DHRS4L2: variants seen among roughly 807,000 people sequenced by gnomAD.
DHRS4L2 encodes dehydrogenase/reductase SDR family member 4-like 2.
Under a neutral mutation model 23.9 loss-of-function variants are expected in DHRS4L2, and 22 were observed. That is an observed-to-expected ratio of 0.92 (90% CI 0.66 to 1.31). The LOEUF is 1.31. Ranked by LOEUF, DHRS4L2 falls within the 40% of genes most tolerant of loss-of-function variation. The pLI, the probability that DHRS4L2 is intolerant of heterozygous loss-of-function variation, is 0.00. For missense variants in DHRS4L2, 385 were observed against 303.3 expected (o/e 1.27, Z -2.00); for synonymous variants, 141 against 123.7 (o/e 1.14, Z -0.93).
At position 23,989,434 on chromosome 14, in the gene DHRS4L2, GC is replaced by G. The variant is rs1594464322; in HGVS notation, c.128+360del. 4.0e-5 allele frequency among the ~76,000 whole-genome samples: 6 copies of G among 151,634 alleles called. 1 individual carries two copies. The Middle Eastern group carries it at 0.02, about 516-fold the overall frequency. On this transcript the variant is annotated intron_variant, in intron 1 of 7. Coordinates refer to ENST00000335125, the MANE Select transcript of DHRS4L2 (RefSeq NM_198083.4). Reference sequence around the variant, plus strand: ...TCAAAATCTTATAACAAGGCCTCCAGCTTTTTGAAAATGTACCATTCTATTT... The same window carrying G: ...TCAAAATCTTATAACAAGGCCTCCAGTTTTTGAAAATGTACCATTCTATTT...
At position 24,000,736 on chromosome 14, in the gene DHRS4L2, G is replaced by A. The variant is rs2034469291; in HGVS notation, c.409-127G>A. 1.1e-5 allele frequency: 9 copies of A among 801,994 alleles called. No homozygotes were observed. The South Asian group carries it at 1.6e-4, about 15-fold the overall frequency. The allele number at this position is 801,994 out of a possible 1,614,324, so 49.7% of individuals were successfully genotyped here. On this transcript the variant is annotated intron_variant, in intron 3 of 7. Transcript: ENST00000335125. ...CAGTTCCTTCATGTGTAAGATGCAG[G>A]TATATCATCCTAAGATCTTCGTCAG...
At chr14:23,975,037 C>G (rs2033940513) in intron 1 of DHRS4L2, among the ~76,000 whole-genome samples, 1 of 151,642 alleles carries the variant, frequency 6.6e-6, no homozygotes, top group Non-Finnish European at 1.5e-5. Context: ...CATAAGGATG[C>G]ATTCTCTCAC....
At chr14:24,005,478 C>A (rs530797127) in intron 7 of DHRS4L2, among the ~76,000 whole-genome samples, 29 of 152,136 alleles carry the variant, frequency 1.9e-4, no homozygotes, top group Middle Eastern at 3.4e-3. Context: ...TAAGCTGAAC[C>A]TGTACAAATG....
rs545445572 is a variant in DHRS4L2 at position 23,977,199 on chromosome 14, A to T, written c.-176+6867A>T. Among the ~76,000 whole-genome samples, 20 of 151,898 alleles carry T rather than the reference A, an allele frequency of 1.3e-4. 1 individual carries two copies. Among genetic ancestry groups the T allele is most frequent in the Admixed American group, 1.2e-3 (19 of 15,258 alleles). On this transcript the variant is annotated intron_variant, in intron 1 of 5. Coordinates refer to the DHRS4L2 transcript ENST00000534993. ...TATCAGTCAGCCTCTGGCACCTACAAATCCATTCACTGTTTTCTTTTCTGG... is the reference window on the plus strand; with the variant it reads ...TATCAGTCAGCCTCTGGCACCTACATATCCATTCACTGTTTTCTTTTCTGG...
intron 2 of DHRS4L2, among the ~76,000 whole-genome samples, chr14:23,993,920 C>G (rs562148352): frequency 3.4e-4 from 51 of 151,680 alleles, no homozygotes; most frequent in African/African-American, 9.9e-4. Context: ...ACTGACCTCA[C>G]TTCTTCCACT....
intron 1 of DHRS4L2, among the ~76,000 whole-genome samples, chr14:23,972,282 G>C (rs1310432538): frequency 1.3e-5 from 2 of 152,020 alleles, no homozygotes; most frequent in Non-Finnish European, 2.9e-5. Context: ...TGGGTTCGTG[G>C]TCTTGCTGGC....
At chr14:23,978,883 G>A (rs144360361) in intron 1 of DHRS4L2, among the ~76,000 whole-genome samples, 71,945 of 136,030 alleles carry the variant, frequency 0.53, 24,524 homozygotes, top group African/African-American at 0.87. Flanking sequence ...AAGAAACTGC[G>A]TCAACTAATG....
At chr14:23,991,500 A>T (rs1411414669) in intron 2 of DHRS4L2, among the ~76,000 whole-genome samples, 1 of 151,780 alleles carries the variant, frequency 6.6e-6, no homozygotes, top group African/African-American at 2.4e-5. Context: ...GGTTCACTTA[A>T]CATGGCCTAC....
intron 3 of DHRS4L2, among the ~76,000 whole-genome samples, chr14:24,000,086 C>A (rs1334751216): frequency 1.4e-5 from 2 of 138,910 alleles, no homozygotes; most frequent in Non-Finnish European, 3.0e-5. Context: ...AAACTTGCAA[C>A]TGAGTTTCAA....
upstream of DHRS4L2, among the ~76,000 whole-genome samples, chr14:23,984,679 G>C (rs570701541): frequency 1.3e-5 from 2 of 150,420 alleles, no homozygotes; most frequent in African/African-American, 4.9e-5. Flanking sequence ...AGCTCACCAG[G>C]TACTGTAGTC....
chr14:23,974,916 G>C (rs187176415), intron 1 of DHRS4L2, among the ~76,000 whole-genome samples: 1 of 151,670 alleles, frequency 6.6e-6, no homozygotes, highest in Non-Finnish European at 1.5e-5. Flanking sequence ...AGAATCATCC[G>C]GATATCAAAG....
intron 5 of DHRS4L2, 78 bp downstream of exon 5, chr14:24,001,162 T>C (rs1421803821): frequency 1.2e-6 from 2 of 1,608,264 alleles, no homozygotes; most frequent in Non-Finnish European, 8.5e-7. Context: ...CCCAAAGAAG[T>C]TTGTGTCCCC....
At chr14:23,977,422 G>A (rs1262607843) in intron 1 of DHRS4L2, among the ~76,000 whole-genome samples, 2 of 151,678 alleles carry the variant, frequency 1.3e-5, no homozygotes, top group African/African-American at 4.9e-5. Context: ...GCGACCTAAA[G>A]TGTGTTACCA....
In DHRS4L2 at chr14:23,988,930, G is replaced by C. The variant is rs199846067; in HGVS notation, c.-18G>C. The C allele has an allele frequency of 2.8e-4, 452 of 1,610,914 alleles. 13 individuals carry two copies. The highest frequency in any genetic ancestry group is 2.9e-4 in the Non-Finnish European group (339 of 1,178,590). On this transcript the variant is annotated 5_prime_UTR_variant, in exon 1 of 8. Coordinates refer to ENST00000335125, the MANE Select transcript of DHRS4L2 (RefSeq NM_198083.4). The stretch of plus-strand genomic sequence containing the variant: ...CCTCCGCTGGAAGGAGTGGAACCCA[G>C]ACTTGCTGGTCTGATCCATGCAGAT...
At chr14:24,000,987 G>C in intron 4 of DHRS4L2, 46 bp from the exon 5 acceptor site, 1 of 1,611,430 alleles carries the variant, frequency 6.2e-7, no homozygotes, top group Non-Finnish European at 8.5e-7. Context: ...CAGGCTGAGG[G>C]CAGTGGTCCA....
chr14:23,985,869 C>T (rs1272887155), upstream of DHRS4L2, among the ~76,000 whole-genome samples: 2 of 151,422 alleles, frequency 1.3e-5, no homozygotes, highest in African/African-American at 4.9e-5. Flanking sequence ...CACATGCCAC[C>T]AGGCATGTAT....
At chr14:23,983,405 A>G (rs182873700) in intron 1 of DHRS4L2, among the ~76,000 whole-genome samples, 45 of 151,850 alleles carry the variant, frequency 3.0e-4, no homozygotes, top group Non-Finnish European at 5.3e-4. Flanking sequence ...GGATGTGGAG[A>G]AATAGGAACA....
rs537194743 is a variant in DHRS4L2 at position 23,995,392 on chromosome 14, C to T, written c.408+259C>T. Among the ~76,000 whole-genome samples the T allele has an allele frequency of 4.6e-5, 7 of 151,858 alleles. No individual in the cohort carries two copies. The East Asian group carries it at 1.2e-3, about 25-fold the overall frequency. On this transcript the variant is annotated intron_variant, in intron 3 of 7. Coordinates refer to ENST00000335125, the MANE Select transcript of DHRS4L2 (RefSeq NM_198083.4). Reference sequence around the variant, plus strand: ...CACTGCTCCCCTCCCCAGGCTTCTTCCCTGGCATGCTCTTCTGCCTTGTTG... The same window carrying T: ...CACTGCTCCCCTCCCCAGGCTTCTTTCCTGGCATGCTCTTCTGCCTTGTTG...
At chr14:23,976,568 C>A (rs1289968615) in intron 1 of DHRS4L2, among the ~76,000 whole-genome samples, 2 of 151,678 alleles carry the variant, frequency 1.3e-5, no homozygotes, top group Admixed American at 1.3e-4. Flanking sequence ...GATCTAGAAC[C>A]AGAAATACCA....
Sources: gnomAD v4.1 joint callset for allele counts (sites outside exome capture counted in the v4.1 genomes callset) on GRCh38, gnomAD v4.1.1 for gene constraint, MANE v1.5 for transcripts, NCBI Gene and HGNC (gene_info 2026-07-23, HGNC 2026-07-21) for gene names.